STON1: variants seen among roughly 807,000 people sequenced by gnomAD.
STON1 encodes stonin 1, also known as stonin-1.
STON1 carries 79 observed loss-of-function variants against 60.9 expected under a neutral mutation model. The ratio of observed to expected loss-of-function variants is 1.30; its 90% CI spans 1.08 to 1.56. The LOEUF (loss-of-function observed/expected upper bound fraction) is 1.56. STON1 is among the 40% of genes most tolerant of loss of function. STON1 has a pLI of 0.00. For synonymous variants in STON1, 363 were observed against 306.9 expected (o/e 1.18, Z -1.91); for missense variants, 1,166 against 858.9 (o/e 1.36, Z -4.47).
chr2:48,554,977 C>T (rs1227830469), intron 1 of STON1, among the ~76,000 whole-genome samples: 2 of 58,000 alleles, frequency 3.4e-5, no homozygotes, highest in African/African-American at 1.4e-4. Context: ...GCACATCTTG[C>T]ACCGCCCTTA....
At position 48,561,826 on chromosome 2, in the gene STON1, G is replaced by A. The variant is rs531647616; in HGVS notation, c.-47-18761G>A. Among the ~76,000 whole-genome samples, 33 of 152,162 alleles carry A rather than the reference G, an allele frequency of 2.2e-4. No homozygotes were observed. In the South Asian group the frequency reaches 6.7e-3, roughly 31 times the overall value. ...CAGGTTTTCAGGTTTTCACCTTTCA[G>A]TCGTCAGCCACATGTATGAAGTTCC... On this transcript the variant is annotated intron_variant, in intron 1 of 3. Coordinates refer to ENST00000404752, the MANE Select transcript of STON1 (RefSeq NM_006873.4).
Position 48,591,859 on chromosome 2 carries a change from C to A in STON1, c.2133+4C>A, listed in dbSNP as rs777838590. On this transcript the variant is annotated splice_donor_region_variant and intron_variant, in intron 3 of 3. Transcript: ENST00000404752. ...GCGAGCTTGCTACAACATCCAGGTA[C>A]ATCCCAAAACTTCTAGAACTGTGAC... The A allele has an allele frequency of 6.2e-7, 1 of 1,613,408 alleles. No individual in the cohort carries two copies. Among genetic ancestry groups the A allele is most frequent in the South Asian group, 1.1e-5 (1 of 90,904 alleles).
Position 48,564,644 on chromosome 2 carries a change from CCTT to C in STON1, c.-47-15930_-47-15928del, listed in dbSNP as rs1319184822. Reference sequence around the variant, plus strand: ...TCCTTCTCCTTCTCTTTCTCCTTCTCCTTCTTCTTCTTCTTTCTTATTTCTTCT... The same window carrying C: ...TCCTTCTCCTTCTCTTTCTCCTTCTCCTTCTTCTTCTTTCTTATTTCTTCT... On this transcript the variant is annotated intron_variant, in intron 1 of 3. Coordinates refer to ENST00000404752, the MANE Select transcript of STON1 (RefSeq NM_006873.4). Among the ~76,000 whole-genome samples the C allele has an allele frequency of 5.7e-4, 67 of 117,066 alleles. 10 individuals carry two copies. Among genetic ancestry groups the C allele is most frequent in the African/African-American group, 1.7e-3 (47 of 27,820 alleles). 76.8% of individuals were successfully genotyped at this position (117,066 alleles called of 152,430 possible). A position where few individuals can be genotyped will look rare whatever the true frequency, so the allele number is the denominator to read the frequency against.
chr2:48,593,356 C>T (rs1176105082), intron 3 of STON1, among the ~76,000 whole-genome samples: 1 of 152,040 alleles, frequency 6.6e-6, no homozygotes, highest in African/African-American at 2.4e-5. Context: ...ACCTTGTGAT[C>T]TGTCTGCCTC....
intron 1 of STON1, among the ~76,000 whole-genome samples, chr2:48,564,464 CTT>C (rs1243739066): frequency 1.8e-4 from 10 of 55,270 alleles, no homozygotes; most frequent in Admixed American, 6.8e-4. Flanking sequence ...TCTTCTTCTT[CTT>C]CTTCTTCTTC....
At chr2:48,585,006 C>G (rs936049242) in intron 2 of STON1, among the ~76,000 whole-genome samples, 1 of 152,154 alleles carries the variant, frequency 6.6e-6, no homozygotes, top group African/African-American at 2.4e-5. Flanking sequence ...TCCTGACACC[C>G]CATACCCTTC....
chr2:48,530,749 C>G (rs916940421), intron 1 of STON1: 2 of 152,396 alleles, frequency 1.3e-5, no homozygotes, highest in African/African-American at 4.8e-5. Flanking sequence ...CCGGAGTCCC[C>G]TCCTGCCCTG....
chr2:48,581,111 G>T lies in STON1; in HGVS notation c.478G>T (p.Ala160Ser), dbSNP rs1210869009. The T allele has an allele frequency of 6.3e-7, 1 of 1,599,718 alleles. No homozygotes were observed. The highest frequency in any genetic ancestry group is 8.5e-7 in the Non-Finnish European group (1 of 1,174,828). ...TCCAGATGAAGTTAATCCTCAACAG[G>T]CTGAAAGCCTAGGATTCCAAAGTGA... is the stretch of plus-strand genomic sequence containing the variant. ...GLPDEVNPQQ[A>S]ESLGFQSDDL... The change falls in exon 2 of 4, where the codon GCT (alanine) becomes TCT (serine). Residue 160 changes from alanine to serine, a missense_variant. Coordinates refer to ENST00000404752, the MANE Select transcript of STON1 (RefSeq NM_006873.4).
At chr2:48,562,057 T>A (rs1672636149) in intron 1 of STON1, among the ~76,000 whole-genome samples, 1 of 152,098 alleles carries the variant, frequency 6.6e-6, no homozygotes, top group South Asian at 2.1e-4. Flanking sequence ...AACGGGGTTC[T>A]ACCACGTTGG....
At chr2:48,589,706 AT>A in intron 2 of STON1, among the ~76,000 whole-genome samples, 1 of 152,184 alleles carries the variant, frequency 6.6e-6, no homozygotes, top group East Asian at 1.9e-4. Context: ...TCATCGTAAA[AT>A]TTCCCCAAAT....
At chr2:48,592,713 G>A (rs770660328) in intron 3 of STON1, among the ~76,000 whole-genome samples, 6 of 151,500 alleles carry the variant, frequency 4.0e-5, no homozygotes, top group African/African-American at 9.7e-5. Context: ...TGACCCTCTC[G>A]GCCTCCCCAA....
Position 48,598,446 on chromosome 2 carries a change from ATCATG to A in STON1, c.*3146_*3150del, listed in dbSNP as rs1487104843. The A allele has an allele frequency of 1.3e-5, 2 of 152,670 alleles. No individual in the cohort carries two copies. Among genetic ancestry groups the A allele is most frequent in the Non-Finnish European group, 2.9e-5 (2 of 68,036 alleles). The allele number at this position is 152,670 out of a possible 1,614,324, so 9.5% of individuals were successfully genotyped here. A position where few individuals can be genotyped will look rare whatever the true frequency, so the allele number is the denominator to read the frequency against. ...CAAATATAAGACAGGTTGAGCCTTA[ATCATG>A]TAACAAAATATTTTGTAGATTACAT... On this transcript the variant is annotated 3_prime_UTR_variant, in exon 4 of 4. Transcript: ENST00000404752.
At position 48,582,089 on chromosome 2, in the gene STON1, C is replaced by G. The variant is rs765944613; in HGVS notation, c.1456C>G (p.His486Asp). Residue 486 changes from histidine to aspartate, a missense_variant, in exon 2 of 4, where the codon CAT becomes GAT. Physicochemically the swap from His to Asp is moderately conservative, Grantham distance 81. Transcript: ENST00000404752. ...AAAGGGGATTGATATTCTTGACTAC[C>G]ATTTTCATAAGTGTGTGAATGTACA... ...EKKGIDILDY[H>D]FHKCVNVQEF... 1.2e-6 allele frequency: 2 copies of G among 1,613,978 alleles called. No homozygotes were observed. The highest frequency in any genetic ancestry group is 2.7e-5 in the African/African-American group (2 of 74,898).
chr2:48,553,447 GTTTGT>G lies in STON1; in HGVS notation c.-48+23245_-48+23249del, dbSNP rs369259341. 7.8e-4 allele frequency among the ~76,000 whole-genome samples: 114 copies of G among 145,750 alleles called. 1 individual carries two copies. The highest frequency in any genetic ancestry group is 2.8e-3 in the African/African-American group (109 of 39,246). On this transcript the variant is annotated intron_variant, in intron 1 of 3. Transcript: ENST00000404752. ...CCTCCTCCCTTTCTCTCTCTCTCTCGTTTGTTTTGTTTTGTTTTTTTCCTGTCCTG... is the reference window on the plus strand; with the variant it reads ...CCTCCTCCCTTTCTCTCTCTCTCTCGTTTGTTTTGTTTTTTTCCTGTCCTG...
intron 2 of STON1, among the ~76,000 whole-genome samples, chr2:48,583,877 G>C (rs1184801003): frequency 6.6e-6 from 1 of 151,606 alleles, no homozygotes; most frequent in Non-Finnish European, 1.5e-5. Flanking sequence ...TCAGCCTCCG[G>C]AGTAGCTGGA....
intron 1 of STON1, among the ~76,000 whole-genome samples, chr2:48,544,868 C>T (rs976946608): frequency 6.6e-6 from 1 of 152,274 alleles, no homozygotes; most frequent in South Asian, 2.1e-4. Flanking sequence ...TGCTACAAAC[C>T]TTGTTTTTGT....
intron 1 of STON1, among the ~76,000 whole-genome samples, chr2:48,533,839 A>G (rs6750122): frequency 0.19 from 27,683 of 144,894 alleles, 2,958 homozygotes; most frequent in Admixed American, 0.3. Context: ...GCGTGATCTC[A>G]GCTTATCGCA....
At chr2:48,562,598 C>G (rs565239788) in intron 1 of STON1, among the ~76,000 whole-genome samples, 1 of 152,202 alleles carries the variant, frequency 6.6e-6, no homozygotes. Context: ...CTCAGAGATG[C>G]TAAGTAGAAG....
chr2:48,561,135 G>A (rs1476869862), intron 1 of STON1, among the ~76,000 whole-genome samples: 1 of 152,100 alleles, frequency 6.6e-6, no homozygotes, highest in South Asian at 2.1e-4. Context: ...CTAGCCCTTG[G>A]TTTTCTCTCT....
Sources: allele counts gnomAD v4.1 joint callset (sites outside exome capture counted in the v4.1 genomes callset), GRCh38; gene constraint gnomAD v4.1.1; transcripts MANE v1.5; gene names NCBI Gene and HGNC (gene_info 2026-07-23, HGNC 2026-07-21).